NPAS1: variants seen among roughly 807,000 people sequenced by gnomAD.
NPAS1 encodes neuronal PAS domain-containing protein 1.
Under a neutral mutation model 49.2 loss-of-function variants are expected in NPAS1, and 29 were observed. The observed-to-expected ratio is 0.59, with a 90% CI of 0.44 to 0.80. The LOEUF is 0.80. NPAS1 is among the 30% of genes least tolerant of loss of function. The pLI is 0.00. For synonymous variants in NPAS1, 408 were observed against 380.4 expected (o/e 1.07, Z -0.84); for missense variants, 825 against 835.5 (o/e 0.99, Z 0.15).
Position 47,019,928 on chromosome 19 carries a change from C to G in NPAS1, c.-112C>G. On this transcript the variant is annotated 5_prime_UTR_variant, in exon 1 of 12. Coordinates refer to ENST00000602212, the MANE Select transcript of NPAS1 (RefSeq NM_002517.4). ...GGTCTATGGAGCTGCCCCTCCGCGCCGCCCGGCCGGCCCCACGCCGCGCCC... is the reference window on the plus strand; with the variant it reads ...GGTCTATGGAGCTGCCCCTCCGCGCGGCCCGGCCGGCCCCACGCCGCGCCC... 5.1e-6 allele frequency: 2 copies of G among 390,156 alleles called. No homozygotes were observed. The highest frequency in any genetic ancestry group is 9.1e-6 in the Non-Finnish European group (2 of 220,556). The allele number at this position is 390,156 out of a possible 1,614,324, so 24.2% of individuals were successfully genotyped here.
chr19:47,041,202 G>T, intron 10 of NPAS1, 77 bp downstream of exon 10: 1 of 1,382,084 alleles, frequency 7.2e-7, no homozygotes. Context: ...GGGGTGCTTT[G>T]GGGAGGGCTT....
At position 47,036,044 on chromosome 19, in the gene NPAS1, G is replaced by C. The variant is rs750702122; in HGVS notation, c.603G>C (p.Arg201=). 6.2e-7 allele frequency: 1 copy of C among 1,604,702 alleles called. No homozygotes were observed. Among genetic ancestry groups the C allele is most frequent in the East Asian group, 2.2e-5 (1 of 44,558 alleles). The change falls in exon 6 of 12, where the codon CGG becomes CGC. Residue 201 remains arginine (R), a synonymous_variant. Transcript: ENST00000602212. Reference sequence around the variant, plus strand: ...AGGTGCTGGAGCAACTGGGGCTGCGGACGCCGACGCCCGGCCCCCCAACCC... The same window carrying C: ...AGGTGCTGGAGCAACTGGGGCTGCGCACGCCGACGCCCGGCCCCCCAACCC... ...HSEVLEQLGL[R]TPTPGPPTPP... is the part of the protein sequence containing the mutation.
chr19:47,034,116 C>T (rs1015100647), intron 5 of NPAS1, among the ~76,000 whole-genome samples: 18 of 150,818 alleles, frequency 1.2e-4, no homozygotes, highest in Admixed American at 1.0e-3. Flanking sequence ...ACCAGCCTGA[C>T]CAACATGGAG....
intron 8 of NPAS1, among the ~76,000 whole-genome samples, chr19:47,039,806 C>G (rs1027684596): frequency 6.7e-6 from 1 of 150,318 alleles, no homozygotes; most frequent in Non-Finnish European, 1.5e-5. Flanking sequence ...GGTCCGGGCC[C>G]TCCTTCTGGG....
chr19:47,038,322 T>G (rs141880230), intron 6 of NPAS1, among the ~76,000 whole-genome samples: 2,289 of 151,986 alleles, frequency 0.015, 24 homozygotes, highest in Non-Finnish European at 0.024. Context: ...ATTGAGACCA[T>G]CCTGGCCAAC....
Position 47,021,611 on chromosome 19 carries a change from G to C in NPAS1, c.123-1G>C. 1 of 1,494,600 alleles carries C rather than the reference G, an allele frequency of 6.7e-7. No homozygotes were observed. The highest frequency in any genetic ancestry group is 8.9e-7 in the Non-Finnish European group (1 of 1,121,994). 92.6% of individuals were successfully genotyped at this position (1,494,600 alleles called of 1,614,324 possible). A position where few individuals can be genotyped will look rare whatever the true frequency, so the allele number is the denominator to read the frequency against. The stretch of plus-strand genomic sequence containing the variant: ...ACACCTCCTCCGCGCCGCCCGCCCA[G>C]CCTGCAGGCGCAGCGCAAGGAGAAG... On this transcript the variant is annotated splice_acceptor_variant, in intron 2 of 11. Coordinates refer to ENST00000602212, the MANE Select transcript of NPAS1 (RefSeq NM_002517.4). LOFTEE classifies it high-confidence loss of function. This position sits in a 1 kb window ranked among gnomAD's most constrained non-coding sequence, Gnocchi z 5.7.
intron 3 of NPAS1, among the ~76,000 whole-genome samples, chr19:47,027,332 C>G (rs1281204796): frequency 6.7e-6 from 1 of 150,350 alleles, no homozygotes; most frequent in African/African-American, 2.4e-5. Flanking sequence ...CTGGATCCCC[C>G]TCTCTCTGCC....
At chr19:47,040,764 G>T (rs1049658782) in intron 9 of NPAS1, 7 of 601,632 alleles carry the variant, frequency 1.2e-5, no homozygotes, top group South Asian at 8.3e-5. Flanking sequence ...GGGGCTGTGG[G>T]GTCTCCAAAA....
intron 4 of NPAS1, 123 bp downstream of exon 4, chr19:47,032,474 T>C: frequency 2.6e-6 from 3 of 1,160,642 alleles, no homozygotes; most frequent in Non-Finnish European, 1.3e-6. Flanking sequence ...AGGCGAATGC[T>C]CAAGATCCCT....
intron 11 of NPAS1, among the ~76,000 whole-genome samples, chr19:47,044,801 AG>A (rs1035049496): frequency 2.4e-4 from 37 of 152,282 alleles, no homozygotes; most frequent in African/African-American, 7.7e-4. Context: ...AGGCTGAGGC[AG>A]GCAGATCACC....
intron 6 of NPAS1, among the ~76,000 whole-genome samples, chr19:47,038,620 A>G (rs936676458): frequency 6.6e-6 from 1 of 151,944 alleles, no homozygotes; most frequent in Non-Finnish European, 1.5e-5. Flanking sequence ...TGAAGTCAGG[A>G]GTTCAAAACC....
rs1450584427 is a variant in NPAS1, at chr19:47,021,155, G to C, written c.108G>C (p.Ala36=). ...TTCTACCCGGGCTGATGGTCAAGGC[G>C]CCGTCCGGACCGTGGTGAGCAAAGC... is the stretch of plus-strand genomic sequence containing the variant. ...WDFLPGLMVK[A]PSGPCLQAQR... The change falls in exon 2 of 12, where the codon GCG becomes GCC. Residue 36 remains alanine (A), a synonymous_variant. Transcript: ENST00000602212. This position sits in a 1 kb window ranked among gnomAD's most constrained non-coding sequence, Gnocchi z 5.7. 2 of 1,590,706 alleles carry C rather than the reference G, an allele frequency of 1.3e-6. No homozygotes were observed. The highest frequency in any genetic ancestry group is 3.4e-5 in the Admixed American group (2 of 58,012).
rs1293629171 is a variant in NPAS1, at chr19:47,032,627, T to C, written c.433-16T>C. The C allele has an allele frequency of 6.2e-7, 1 of 1,611,698 alleles. No homozygotes were observed. Among genetic ancestry groups the C allele is most frequent in the South Asian group, 1.1e-5 (1 of 91,012 alleles). ...CGGGTCCTCTCCTTCCCCCTCCCTG[T>C]CTCTCCCGGCTCTAGTCCCTGGATG... On this transcript the variant is annotated splice_polypyrimidine_tract_variant and intron_variant, in intron 4 of 11. Coordinates refer to ENST00000602212, the MANE Select transcript of NPAS1 (RefSeq NM_002517.4).
In NPAS1 at chr19:47,039,124, G is replaced by A. The variant is rs753327213; in HGVS notation, c.777G>A (p.Gly259=). ...TGAAATCCACGCTCACCAAGAGGGG[G>A]CTGCACGTCAAGGCCTCAGGGTACA... ...VRMKSTLTKR[G]LHVKASGYKV... is the part of the protein sequence containing the mutation. Residue 259 remains glycine (G), a synonymous_variant, in exon 7 of 12, where the codon GGG becomes GGA. Transcript: ENST00000602212. 2 of 1,612,834 alleles carry A rather than the reference G, an allele frequency of 1.2e-6. No individual in the cohort carries two copies. Among genetic ancestry groups the A allele is most frequent in the South Asian group, 1.1e-5 (1 of 90,892 alleles).
chr19:47,045,076 A>T (rs2057061393), intron 11 of NPAS1, 115 bp from the exon 12 acceptor site: 1 of 959,572 alleles, frequency 1.0e-6, no homozygotes. Flanking sequence ...AAAAAAAAAA[A>T]CCCCACTCCC....
intron 3 of NPAS1, among the ~76,000 whole-genome samples, chr19:47,031,064 T>C (rs888580283): frequency 2.6e-5 from 4 of 152,106 alleles, no homozygotes; most frequent in African/African-American, 9.7e-5. Flanking sequence ...ATCCTTCAGG[T>C]CTGCTCAAAT....
chr19:47,045,554 T>TGGGTCCG lies in NPAS1; in HGVS notation c.1679_1685dup (p.Pro563SerfsTer51). 1.3e-6 allele frequency: 2 copies of TGGGTCCG among 1,520,464 alleles called. No individual in the cohort carries two copies. Among genetic ancestry groups the TGGGTCCG allele is most frequent in the South Asian group, 2.4e-5 (2 of 82,760 alleles). 94.2% of individuals were successfully genotyped at this position (1,520,464 alleles called of 1,614,324 possible). ...CTGGTGTACCCGCACCTGCAGAGGC[T>TGGGTCCG]GGGTCCGGGCCCCGCGCTCCCGGAG... On this transcript the variant is annotated frameshift_variant, in exon 12 of 12. Coordinates refer to ENST00000602212, the MANE Select transcript of NPAS1 (RefSeq NM_002517.4). LOFTEE classifies it high-confidence loss of function.
chr19:47,021,206 C>T lies in NPAS1; in HGVS notation c.122+37C>T, dbSNP rs904178142. 2.7e-5 allele frequency: 40 copies of T among 1,484,116 alleles called. No homozygotes were observed. Among genetic ancestry groups the T allele is most frequent in the Non-Finnish European group, 3.3e-5 (37 of 1,113,058 alleles). The allele number at this position is 1,484,116 out of a possible 1,614,324, so 91.9% of individuals were successfully genotyped here. A position where few individuals can be genotyped will look rare whatever the true frequency, so the allele number is the denominator to read the frequency against. The stretch of plus-strand genomic sequence containing the variant: ...CCCGCCCCCCTGGCCGCGGGCCCCC[C>T]CCCGGGTCCAATTCACACCCGATGT... On this transcript the variant is annotated intron_variant, in intron 2 of 11. Coordinates refer to ENST00000602212, the MANE Select transcript of NPAS1 (RefSeq NM_002517.4). This position sits in a 1 kb window ranked among gnomAD's most constrained non-coding sequence, Gnocchi z 5.7.
chr19:47,044,803 G>A (rs897886523), intron 11 of NPAS1, among the ~76,000 whole-genome samples: 1 of 152,108 alleles, frequency 6.6e-6, no homozygotes, highest in Admixed American at 6.5e-5. Context: ...GCTGAGGCAG[G>A]CAGATCACCT....
Sources: allele counts gnomAD v4.1 joint callset (sites outside exome capture counted in the v4.1 genomes callset), GRCh38; gene constraint gnomAD v4.1.1; non-coding constraint Gnocchi (gnomAD v3.1); transcripts MANE v1.5; gene names NCBI Gene and HGNC (gene_info 2026-07-23, HGNC 2026-07-21).